The following DCC variants were observed in gnomAD, a reference collection of about 807,000 sequenced individuals.
DCC encodes the protein netrin receptor DCC.
DCC carries 58 observed loss-of-function variants against 172.5 expected under a neutral mutation model. That is an observed-to-expected ratio of 0.34 (90% CI 0.27 to 0.42). The LOEUF is 0.42. DCC is among the 10% of genes least tolerant of loss of function. The probability of loss-of-function intolerance (pLI) is 1.00; values close to 1 mark genes in which losing one functional copy is unlikely to be tolerated. For missense variants in DCC, 1,740 were observed against 1,791.0 expected (o/e 0.97, Z 0.51); for synonymous variants, 709 against 644.5 (o/e 1.10, Z -1.52).
intron 1 of DCC, among the ~76,000 whole-genome samples, chr18:52,735,771 T>A (rs905282103): frequency 4.6e-5 from 7 of 152,024 alleles, no homozygotes; most frequent in Non-Finnish European, 4.4e-5. Context: ...TGGGTCTGCC[T>A]CTCTCAGTCT....
At chr18:53,140,426 A>G (rs2043813252) in intron 7 of DCC, among the ~76,000 whole-genome samples, 1 of 152,216 alleles carries the variant, frequency 6.6e-6, no homozygotes, top group Admixed American at 6.5e-5. Context: ...AATTGAGAGC[A>G]GAATAACGAA....
At chr18:52,850,626 C>A (rs1457867478) in intron 2 of DCC, among the ~76,000 whole-genome samples, 1 of 151,926 alleles carries the variant, frequency 6.6e-6, no homozygotes, top group Non-Finnish European at 1.5e-5. Flanking sequence ...CAGTTTTTTT[C>A]CCCACTTATT....
intron 5 of DCC, among the ~76,000 whole-genome samples, chr18:52,956,274 A>T (rs2040740827): frequency 6.6e-6 from 1 of 151,930 alleles, no homozygotes. Context: ...TTTTTTTTAC[A>T]TGTAGATATC....
At chr18:52,661,528 A>G (rs1416380925) in intron 1 of DCC, among the ~76,000 whole-genome samples, 2 of 152,228 alleles carry the variant, frequency 1.3e-5, no homozygotes, top group African/African-American at 2.4e-5. Context: ...CATGCTGGAA[A>G]GTAGTCTGTT....
chr18:53,529,024 TCTCTCTCTCTCTCTCACACACA>T (rs1349570444), intron 28 of DCC, among the ~76,000 whole-genome samples: 50 of 83,060 alleles, frequency 6.0e-4, no homozygotes, highest in African/African-American at 1.5e-3. Context: ...TCTCTCTCTC[TCTCTCTCTCTCTCTCACACACA>T]CACACACACA....
chr18:53,240,279 A>G (rs2144635921), intron 12 of DCC, among the ~76,000 whole-genome samples: 1 of 152,234 alleles, frequency 6.6e-6, no homozygotes, highest in South Asian at 2.1e-4. Flanking sequence ...AAAAACAGTC[A>G]ATAGCAAGCT....
intron 2 of DCC, among the ~76,000 whole-genome samples, chr18:52,855,422 G>A (rs2039036397): frequency 6.6e-6 from 1 of 152,106 alleles, no homozygotes; most frequent in Non-Finnish European, 1.5e-5. Flanking sequence ...AGCTTTATAA[G>A]GTTTTAAAAT....
intron 1 of DCC, among the ~76,000 whole-genome samples, chr18:52,622,919 C>G (rs1460401446): frequency 6.6e-6 from 1 of 152,208 alleles, no homozygotes; most frequent in Non-Finnish European, 1.5e-5. Flanking sequence ...ACCTTAGTGA[C>G]AGCTCCATGT....
chr18:52,931,240 T>C (rs979462708), intron 5 of DCC, among the ~76,000 whole-genome samples: 2 of 152,122 alleles, frequency 1.3e-5, no homozygotes, highest in African/African-American at 4.8e-5. Context: ...GGACTGAGTT[T>C]ATATGAAAAA....
At chr18:52,565,387 A>G (rs926296201) in intron 1 of DCC, among the ~76,000 whole-genome samples, 1 of 152,038 alleles carries the variant, frequency 6.6e-6, no homozygotes, top group South Asian at 2.1e-4. Context: ...AATGGTATTT[A>G]TTGTTCTAGA....
intron 12 of DCC, among the ~76,000 whole-genome samples, chr18:53,253,704 G>A (rs186167526): frequency 1.1e-3 from 163 of 152,168 alleles, no homozygotes; most frequent in African/African-American, 3.7e-3. Flanking sequence ...CTCAAAGCCA[G>A]CTTGGTAGCA....
intron 1 of DCC, among the ~76,000 whole-genome samples, chr18:52,348,765 C>T (rs1407677099): frequency 6.6e-6 from 1 of 152,152 alleles, no homozygotes. Flanking sequence ...CATGTTGACT[C>T]TGGCCTAGGC....
chr18:52,414,164 T>C (rs900211565), intron 1 of DCC, among the ~76,000 whole-genome samples: 11 of 152,114 alleles, frequency 7.2e-5, no homozygotes, highest in Non-Finnish European at 5.9e-5. Context: ...CACTGCAACC[T>C]CCACCTCCTG....
intron 2 of DCC, among the ~76,000 whole-genome samples, chr18:52,891,662 A>T (rs993639668): frequency 6.6e-6 from 1 of 152,144 alleles, no homozygotes; most frequent in Non-Finnish European, 1.5e-5. Context: ...AACCTAAGCA[A>T]AATCACAGCC....
intron 7 of DCC, among the ~76,000 whole-genome samples, chr18:53,134,625 C>T (rs973455073): frequency 6.6e-6 from 1 of 151,998 alleles, no homozygotes; most frequent in African/African-American, 2.4e-5. Flanking sequence ...ACCCAATGGC[C>T]CAGGGAAATG....
chr18:53,524,204 T>G (rs1301432376), intron 27 of DCC, among the ~76,000 whole-genome samples: 1 of 152,020 alleles, frequency 6.6e-6, no homozygotes, highest in African/African-American at 2.4e-5. Context: ...AGCCATTCTA[T>G]AATGTATATA....
At chr18:52,366,772 T>C (rs998522048) in intron 1 of DCC, among the ~76,000 whole-genome samples, 11 of 152,198 alleles carry the variant, frequency 7.2e-5, no homozygotes, top group African/African-American at 2.7e-4. Flanking sequence ...ATTGGTGTAT[T>C]TACAATCCCT....
At chr18:53,252,188 G>T (rs545229898) in intron 12 of DCC, among the ~76,000 whole-genome samples, 1 of 151,964 alleles carries the variant, frequency 6.6e-6, no homozygotes, top group Admixed American at 6.6e-5. Flanking sequence ...ACCTTCATTT[G>T]TTGCAAGAAA....
intron 5 of DCC, among the ~76,000 whole-genome samples, chr18:52,937,892 G>A (rs1256431610): frequency 2.6e-5 from 4 of 152,024 alleles, no homozygotes; most frequent in East Asian, 1.9e-4. Flanking sequence ...TTGGGTAAGC[G>A]GCCATGACAT....
Sources: allele counts gnomAD v4.1 joint callset (sites outside exome capture counted in the v4.1 genomes callset), GRCh38; gene constraint gnomAD v4.1.1; transcripts MANE v1.5; gene names NCBI Gene and HGNC (gene_info 2026-07-23, HGNC 2026-07-21).